The following CD300C variants were observed in gnomAD, a reference collection of about 807,000 sequenced individuals.
The protein encoded by CD300C is CMRF35-like molecule 6.
Under a neutral mutation model 18.4 loss-of-function variants are expected in CD300C, and 11 were observed. That is an observed-to-expected ratio of 0.60 (90% CI 0.38 to 0.99). The LOEUF (loss-of-function observed/expected upper bound fraction) is 0.99. Among genes scored for constraint, CD300C ranks in the 50% least tolerant of loss-of-function variants. The pLI is 0.01. For synonymous variants in CD300C, 116 were observed against 116.3 expected, an observed-to-expected ratio of 1.00 and a Z score of 0.02; for missense variants, 277 against 287.4, an observed-to-expected ratio of 0.96 and a Z score of 0.26.
In CD300C at chr17:74,545,081, A is replaced by G. The variant is rs550094677; in HGVS notation, c.62-134T>C. 4.3e-4 allele frequency: 337 copies of G among 789,602 alleles called. No individual in the cohort carries two copies. In the African/African-American group the frequency reaches 5.1e-3, roughly 12 times the overall value. The allele number at this position is 789,602 out of a possible 1,614,324, so 48.9% of individuals were successfully genotyped here. On this transcript the variant is annotated intron_variant, in intron 1 of 3. Coordinates refer to ENST00000330793, the MANE Select transcript of CD300C (RefSeq NM_006678.5). ...GCAGGCAGCCTTTGTCCACCCAGGA[A>G]CAGGGACTGAGGGTGGGAGGCTCCC...
Position 74,544,817 on chromosome 17 carries a change from T to A in CD300C, c.192A>T (p.Arg64=). Residue 64 remains arginine (R), a synonymous_variant, in exon 2 of 4, where the codon CGA becomes CGT. Coordinates refer to ENST00000330793, the MANE Select transcript of CD300C (RefSeq NM_006678.5). ...KFWCRPPQIL[R]CDKIVETKGS... Reference sequence around the variant, plus strand: ...CTTTGGTCTCCACAATCTTGTCACATCGGAGAATCTGTGGTGGTCTGCACC... The same window carrying A: ...CTTTGGTCTCCACAATCTTGTCACAACGGAGAATCTGTGGTGGTCTGCACC... 6.2e-7 allele frequency: 1 copy of A among 1,614,236 alleles called. No homozygotes were observed. Among genetic ancestry groups the A allele is most frequent in the South Asian group, 1.1e-5 (1 of 91,082 alleles).
intron 1 of CD300C, 54 bp from the exon 2 acceptor site, chr17:74,545,001 G>T: frequency 6.7e-7 from 1 of 1,502,146 alleles, no homozygotes; most frequent in Non-Finnish European, 9.0e-7. Flanking sequence ...CTGGTCAGGG[G>T]TGCCGCAGTG....
Position 74,541,374 on chromosome 17 carries a change from G to T in CD300C, c.*215C>A. 1 of 529,052 alleles carries T rather than the reference G, an allele frequency of 1.9e-6. No individual in the cohort carries two copies. The highest frequency in any genetic ancestry group is 3.4e-6 in the Non-Finnish European group (1 of 290,628). 32.8% of individuals were successfully genotyped at this position (529,052 alleles called of 1,614,324 possible). On this transcript the variant is annotated 3_prime_UTR_variant, in exon 4 of 4. Transcript: ENST00000330793. ...GGCCCGAGGCTTAGCTGGCCGGGGC[G>T]TGCACATGAGACGTGGACTCACAGC...
At chr17:74,539,025 G>A (rs886976440), downstream of CD300C, among the ~76,000 whole-genome samples, 3 of 152,208 alleles carry the variant, frequency 2.0e-5, no homozygotes, top group African/African-American at 7.2e-5. Context: ...CTTTACCCTG[G>A]AAAGGGCAAG....
chr17:74,538,589 C>T (rs1260729968), downstream of CD300C, among the ~76,000 whole-genome samples: 2 of 152,166 alleles, frequency 1.3e-5, no homozygotes, highest in African/African-American at 4.8e-5. Flanking sequence ...GGGCTGTGGG[C>T]TGAGGCAGGG....
intron 2 of CD300C, among the ~76,000 whole-genome samples, chr17:74,543,759 G>C (rs147968408): frequency 6.6e-6 from 1 of 152,168 alleles, no homozygotes; most frequent in Non-Finnish European, 1.5e-5. Flanking sequence ...CCACACTGAG[G>C]CCACTGGGTT....
chr17:74,544,220 T>C (rs1256279131), intron 2 of CD300C, among the ~76,000 whole-genome samples: 1 of 152,076 alleles, frequency 6.6e-6, no homozygotes, highest in Non-Finnish European at 1.5e-5. Flanking sequence ...CCCTTCAGTA[T>C]GGATCCGGCC....
Position 74,544,868 on chromosome 17 carries a change from C to T in CD300C, c.141G>A (p.Lys47=). 6.2e-7 allele frequency: 1 copy of T among 1,614,208 alleles called. No homozygotes were observed. The highest frequency in any genetic ancestry group is 8.5e-7 in the Non-Finnish European group (1 of 1,180,030). ...GSLSVQCRYE[K]EHRTLNKFWC... is the part of the protein sequence containing the mutation. The stretch of plus-strand genomic sequence containing the variant: ...AGAATTTGTTGAGGGTCCTGTGTTC[C>T]TTCTCATAGCGACACTGCACACTCA... Residue 47 remains lysine, a synonymous_variant, in exon 2 of 4, where the codon AAG becomes AAA. Coordinates refer to ENST00000330793, the MANE Select transcript of CD300C (RefSeq NM_006678.5).
At chr17:74,543,611 G>T (rs2143148913) in intron 2 of CD300C, among the ~76,000 whole-genome samples, 1 of 152,284 alleles carries the variant, frequency 6.6e-6, no homozygotes, top group South Asian at 2.1e-4. Context: ...GCGCCCTCAG[G>T]TGGGATCTTA....
intron 2 of CD300C, among the ~76,000 whole-genome samples, chr17:74,543,524 G>A (rs1176920683): frequency 6.6e-6 from 1 of 152,236 alleles, no homozygotes; most frequent in East Asian, 1.9e-4. Context: ...AAGATCTAGA[G>A]AGGGGATGCC....
At chr17:74,540,024 G>A (rs1408109798), downstream of CD300C, among the ~76,000 whole-genome samples, 3 of 152,216 alleles carry the variant, frequency 2.0e-5, no homozygotes, top group Admixed American at 1.3e-4. Flanking sequence ...AAACTTAATT[G>A]TCTGATGCTG....
downstream of CD300C, among the ~76,000 whole-genome samples, chr17:74,539,437 G>A (rs1474666679): frequency 4.6e-5 from 7 of 152,074 alleles, no homozygotes; most frequent in Non-Finnish European, 8.8e-5. Context: ...CTGCCACGGG[G>A]ACCTGACCTG....
At chr17:74,538,428 C>T (rs111360466), downstream of CD300C, among the ~76,000 whole-genome samples, 8,728 of 152,218 alleles carry the variant, frequency 0.057, 766 homozygotes, top group African/African-American at 0.19. Context: ...AGTTACCTCC[C>T]CAGGGGAAGA....
intron 2 of CD300C, among the ~76,000 whole-genome samples, chr17:74,544,073 G>T (rs562930698): frequency 5.9e-5 from 9 of 152,284 alleles, no homozygotes; most frequent in African/African-American, 2.2e-4. Flanking sequence ...TGAGGCTGCG[G>T]CCTCAGGACC....
intron 2 of CD300C, among the ~76,000 whole-genome samples, chr17:74,543,986 G>A (rs1225095247): frequency 6.6e-6 from 1 of 152,180 alleles, no homozygotes; most frequent in African/African-American, 2.4e-5. Flanking sequence ...CCAGGAGCAT[G>A]AGAACCCCAC....
At chr17:74,544,546 CA>C (rs1354376679) in intron 2 of CD300C, 62 bp downstream of exon 2, 5 of 1,540,948 alleles carry the variant, frequency 3.2e-6, no homozygotes, top group Non-Finnish European at 4.4e-6. Flanking sequence ...CTTCTTTCTT[CA>C]GGGACAGAAT....
In CD300C at chr17:74,544,727, T is replaced by C. The variant is rs779759691; in HGVS notation, c.282A>G (p.Thr94=). The change falls in exon 2 of 4, where the codon ACA becomes ACG. Residue 94 remains threonine, a synonymous_variant. Transcript: ENST00000330793. ...IRDSPANLSF[T]VTLENLTEED... ...CCTCTGTGAGATTCTCCAGGGTCAC[T>C]GTGAAGCTGAGGTTTGCAGGACTGT... is the stretch of plus-strand genomic sequence containing the variant. 35 of 1,614,220 alleles carry C rather than the reference T, an allele frequency of 2.2e-5. No homozygotes were observed. Among genetic ancestry groups the C allele is most frequent in the Non-Finnish European group, 2.8e-5 (33 of 1,180,040 alleles).
downstream of CD300C, among the ~76,000 whole-genome samples, chr17:74,537,657 AG>A (rs1908422508): frequency 6.6e-6 from 1 of 152,156 alleles, no homozygotes; most frequent in South Asian, 2.1e-4. Context: ...TGAAAGATAA[AG>A]TCTGATTGCT....
chr17:74,536,482 G>A (rs1297868336), downstream of CD300C, among the ~76,000 whole-genome samples: 3 of 140,596 alleles, frequency 2.1e-5, no homozygotes, highest in Non-Finnish European at 3.0e-5. Flanking sequence ...GCAGTGAGCC[G>A]AGATCACGCC....
Sources: allele counts gnomAD v4.1 joint callset (sites outside exome capture counted in the v4.1 genomes callset), GRCh38; gene constraint gnomAD v4.1.1; transcripts MANE v1.5; gene names NCBI Gene and HGNC (gene_info 2026-07-23, HGNC 2026-07-21).